RNF208: variants seen among roughly 807,000 people sequenced by gnomAD.
RNF208 encodes ring finger protein 208.
In RNF208, 7 loss-of-function variants were observed where a neutral mutation model predicts 15.2. The observed-to-expected ratio is 0.46, with a 90% CI of 0.26 to 0.86. RNF208 has a LOEUF of 0.86. RNF208 is among the 40% of genes least tolerant of loss of function. The pLI is 0.16. For missense variants in RNF208, 342 were observed against 364.1 expected (o/e 0.94, Z 0.49); for synonymous variants, 211 against 163.2 (o/e 1.29, Z -2.23).
Position 137,220,330 on chromosome 9 carries a change from G to T in RNF208, c.*97C>A. On this transcript the variant is annotated 3_prime_UTR_variant, in exon 2 of 2. Transcript: ENST00000391553. ...ACTCGGGGTGGGGCCGGAAGCCATG[G>T]TGGGGAAGGAAGGGTCAGCGGGCGG... 1 of 1,322,502 alleles carries T rather than the reference G, an allele frequency of 7.6e-7. No homozygotes were observed. Among genetic ancestry groups the T allele is most frequent in the Non-Finnish European group, 1.0e-6 (1 of 989,234 alleles). The allele number at this position is 1,322,502 out of a possible 1,614,324, so 81.9% of individuals were successfully genotyped here. A position where few individuals can be genotyped will look rare whatever the true frequency, so the allele number is the denominator to read the frequency against.
rs531868794 is a variant in RNF208 at position 137,220,802 on chromosome 9, T to C, written c.411A>G (p.Ala137=). Residue 137 remains alanine, a synonymous_variant, in exon 2 of 2, where the codon GCA becomes GCG. Transcript: ENST00000391553. The stretch of plus-strand genomic sequence containing the variant: ...AGGTGGGGCACTCCAGGGGCTCGCC[T>C]GCCGCCGCCGAAGAAGCCGCCGAGG... The part of the protein sequence containing the change: ...PSASAASSAA[A]GEPLECPTCG... The C allele has an allele frequency of 6.2e-6, 10 of 1,607,698 alleles. No homozygotes were observed. The African/African-American group carries it at 1.3e-4, about 22-fold the overall frequency.
At chr9:137,223,395 C>G (rs1160064443), upstream of RNF208, among the ~76,000 whole-genome samples, 3 of 152,178 alleles carry the variant, frequency 2.0e-5, no homozygotes, top group Non-Finnish European at 2.9e-5. Flanking sequence ...GGCGTGCGCC[C>G]GAGGAAGCAC....
chr9:137,223,226 G>A (rs887442608), upstream of RNF208, among the ~76,000 whole-genome samples: 1 of 152,258 alleles, frequency 6.6e-6, no homozygotes, highest in Admixed American at 6.5e-5. Flanking sequence ...CCTCGGGCGA[G>A]TGTCACTCAG....
chr9:137,220,905 G>A lies in RNF208; in HGVS notation c.308C>T (p.Ser103Leu), dbSNP rs374551537. 1.6e-5 allele frequency: 25 copies of A among 1,571,046 alleles called. No homozygotes were observed. Among genetic ancestry groups the A allele is most frequent in the Non-Finnish European group, 2.0e-5 (23 of 1,157,056 alleles). ...GGCCACGCGGGGAAAGCCCAGCTCC[G>A]AGCTTCCCTTACGGGGCCGCCGTGG... ...PLPRRPRKGSSELGFPRVAPE... is the reference protein window; with the variant it reads ...PLPRRPRKGSLELGFPRVAPE... The change falls in exon 2 of 2, where the codon TCG (serine) becomes TTG (leucine). Residue 103 changes from serine to leucine, a missense_variant. Ser to Leu is a moderately radical substitution (Grantham distance 145). Around this residue, in one of 3 missense-constraint regions of RNF208, gnomAD observed 207 missense variants for 193.7 expected, o/e 1.07. Coordinates refer to ENST00000391553, the MANE Select transcript of RNF208 (RefSeq NM_031297.7).
At position 137,221,240 on chromosome 9, in the gene RNF208, T is replaced by G; in HGVS notation, c.-28A>C. 3.9e-6 allele frequency: 3 copies of G among 759,876 alleles called. No individual in the cohort carries two copies. The highest frequency in any genetic ancestry group is 2.6e-5 in the South Asian group (1 of 38,064). The allele number at this position is 759,876 out of a possible 1,614,324, so 47.1% of individuals were successfully genotyped here. A position where few individuals can be genotyped will look rare whatever the true frequency, so the allele number is the denominator to read the frequency against. On this transcript the variant is annotated 5_prime_UTR_variant, in exon 2 of 2. Coordinates refer to ENST00000391553, the MANE Select transcript of RNF208 (RefSeq NM_031297.7). ...GGCTGTCTCCAGTCAGACTGGATGT[T>G]CGGGTGGGTGGGGGCGTTGTGTGGG...
Position 137,221,315 on chromosome 9 carries a change from G to GGCAGGTGACA in RNF208, c.-104_-103insTGTCACCTGC. ...CATCCTGGTCCCGCCAGGCCTGGGG[G>GGCAGGTGACA]GGGCCCCGGACGGCCCGTGGACTCC... On this transcript the variant is annotated 5_prime_UTR_variant, in exon 2 of 2. Transcript: ENST00000391553. 1 of 934,586 alleles carries GGCAGGTGACA rather than the reference G, an allele frequency of 1.1e-6. No individual in the cohort carries two copies. Among genetic ancestry groups the GGCAGGTGACA allele is most frequent in the Non-Finnish European group, 1.5e-6 (1 of 659,108 alleles). The allele number at this position is 934,586 out of a possible 1,614,324, so 57.9% of individuals were successfully genotyped here.
Position 137,221,595 on chromosome 9 carries a change from T to G in RNF208, c.-383A>C. On this transcript the variant is annotated 5_prime_UTR_variant, in exon 2 of 2. The change abolishes an upstream ATG in the 5' untranslated region. Coordinates refer to ENST00000391553, the MANE Select transcript of RNF208 (RefSeq NM_031297.7). The stretch of plus-strand genomic sequence containing the variant: ...GGTCAGCAGGCCGCGGGCCGGGACA[T>G]CGGGGCAGGCAGGGGCTGGGTGGGC... 1 of 173,550 alleles carries G rather than the reference T, an allele frequency of 5.8e-6. No homozygotes were observed. The highest frequency in any genetic ancestry group is 1.5e-4 in the East Asian group (1 of 6,514). The allele number at this position is 173,550 out of a possible 1,614,324, so 10.8% of individuals were successfully genotyped here.
chr9:137,222,358 C>T (rs1835884778), upstream of RNF208, among the ~76,000 whole-genome samples: 1 of 151,072 alleles, frequency 6.6e-6, no homozygotes. Context: ...GGCCGCCCCT[C>T]GGTCCGCTCC....
At position 137,220,575 on chromosome 9, in the gene RNF208, C is replaced by T. The variant is rs753984639; in HGVS notation, c.638G>A (p.Arg213His). ...GGCCGTCAGCGCCTCAGGCGGCAGG[C>T]GGCTCAGGATGGACGTGTTGACAGC... is the stretch of plus-strand genomic sequence containing the variant. ...ALAVNTSILS[R>H]LPPEALTAPS... The change falls in exon 2 of 2, where the codon CGC becomes CAC. Residue 213 changes from arginine to histidine, a missense_variant. Arg to His is a conservative substitution (Grantham distance 29). Around this residue, in one of 3 missense-constraint regions of RNF208, gnomAD observed 76 missense variants for 118.0 expected, o/e 0.64. Transcript: ENST00000391553. 6.2e-6 allele frequency: 10 copies of T among 1,611,080 alleles called. No individual in the cohort carries two copies. The highest frequency in any genetic ancestry group is 1.7e-5 in the Admixed American group (1 of 59,806).
rs2131388191 is a variant in RNF208 at position 137,222,038 on chromosome 9, T to A, written c.-576A>T. Among the ~76,000 whole-genome samples, 1 of 150,554 alleles carries A rather than the reference T, an allele frequency of 6.6e-6. No homozygotes were observed. Among genetic ancestry groups the A allele is most frequent in the East Asian group, 2.0e-4 (1 of 5,090 alleles). The stretch of plus-strand genomic sequence containing the variant: ...GCGCGCCGCCGCCGCAGAGGTTGTC[T>A]CAAAGGCAGGCCCGGACGCGGCGCC... On this transcript the variant is annotated 5_prime_UTR_variant, in exon 1 of 2. Transcript: ENST00000391553.
At position 137,220,458 on chromosome 9, in the gene RNF208, CGCACGTGGCAGGT is replaced by C; in HGVS notation, c.742_754del (p.Thr248GlyfsTer21). On this transcript the variant is annotated frameshift_variant, in exon 2 of 2. Coordinates refer to ENST00000391553, the MANE Select transcript of RNF208 (RefSeq NM_031297.7). LOFTEE classifies it high-confidence loss of function. ...GATGGAGCAGGCGGACAGTGGGTTC[CGCACGTGGCAGGT>C]GCACGCGGCCCCACAGTACTGCCGG... 1 of 1,596,280 alleles carries C rather than the reference CGCACGTGGCAGGT, an allele frequency of 6.3e-7. No individual in the cohort carries two copies. Among genetic ancestry groups the C allele is most frequent in the Non-Finnish European group, 8.5e-7 (1 of 1,171,046 alleles).
At chr9:137,222,306 C>A (rs1835883547), upstream of RNF208, among the ~76,000 whole-genome samples, 2 of 148,410 alleles carry the variant, frequency 1.3e-5, no homozygotes, top group South Asian at 4.1e-4. Context: ...CACCCCCCGT[C>A]TGGGGACCCG....
chr9:137,221,052 G>A lies in RNF208; in HGVS notation c.161C>T (p.Pro54Leu), dbSNP rs751714852. 1 of 1,599,590 alleles carries A rather than the reference G, an allele frequency of 6.3e-7. No individual in the cohort carries two copies. The highest frequency in any genetic ancestry group is 1.1e-5 in the South Asian group (1 of 88,984). ...GGGTGCCAGAGTTGGGGTGGGCCGG[G>A]GAGCAGGCGGGAAGCAGGGGGCAGC... The part of the protein sequence containing the change: ...LPAAPCFPPA[P>L]RPTPTLAPKR... The change falls in exon 2 of 2, where the codon CCC (proline) becomes CTC (leucine). Residue 54 changes from proline to leucine, a missense_variant. Transcript: ENST00000391553.
chr9:137,220,406 G>A lies in RNF208; in HGVS notation c.*21C>T, dbSNP rs776631047. ...AGCAGCGAGCGAGGCTCAGCGGGCA[G>A]TGGCGGGCAGGCAGGCGCTACTACA... is the stretch of plus-strand genomic sequence containing the variant. On this transcript the variant is annotated 3_prime_UTR_variant, in exon 2 of 2. Coordinates refer to ENST00000391553, the MANE Select transcript of RNF208 (RefSeq NM_031297.7). 9.1e-6 allele frequency: 14 copies of A among 1,536,896 alleles called. No homozygotes were observed. Among genetic ancestry groups the A allele is most frequent in the Non-Finnish European group, 1.1e-5 (13 of 1,140,470 alleles).
rs1403403061 is a variant in RNF208 at position 137,220,895 on chromosome 9, G to C, written c.318C>G (p.Gly106=). 6 of 1,575,726 alleles carry C rather than the reference G, an allele frequency of 3.8e-6. No individual in the cohort carries two copies. The African/African-American group carries it at 8.1e-5, about 21-fold the overall frequency. ...CATCCTCTGGGGCCACGCGGGGAAA[G>C]CCCAGCTCCGAGCTTCCCTTACGGG... The part of the protein sequence containing the change: ...RRPRKGSSEL[G]FPRVAPEDEV... The change falls in exon 2 of 2, where the codon GGC becomes GGG. Residue 106 remains glycine, a synonymous_variant. Transcript: ENST00000391553.
chr9:137,220,430 C>A lies in RNF208; in HGVS notation c.783G>T (p.Met261Ile). Residue 261 changes from methionine (M) to isoleucine (I), a missense_variant, in exon 2 of 2, where the codon ATG becomes ATT. Physicochemically the swap from Met to Ile is conservative, Grantham distance 10 (BLOSUM62 1). Coordinates refer to ENST00000391553, the MANE Select transcript of RNF208 (RefSeq NM_031297.7). The stretch of plus-strand genomic sequence containing the variant: ...AGTGGCGGGCAGGCAGGCGCTACTA[C>A]ATGATGGAGCAGGCGGACAGTGGGT... ...VRNPLSACSI[M>I] 1 of 1,578,626 alleles carries A rather than the reference C, an allele frequency of 6.3e-7. No homozygotes were observed. Among genetic ancestry groups the A allele is most frequent in the South Asian group, 1.1e-5 (1 of 87,326 alleles).
chr9:137,221,195 C>T lies in RNF208; in HGVS notation c.18G>A (p.Gly6=). The part of the protein sequence containing the change: MPSDP[G]PEAGSGWPGL... ...CCGGCCAGCCACTGCCCGCCTCGGG[C>T]CCGGGGTCAGAGGGCATCCGGCTGT... Residue 6 remains glycine (G), a synonymous_variant, in exon 2 of 2, where the codon GGG becomes GGA. Coordinates refer to ENST00000391553, the MANE Select transcript of RNF208 (RefSeq NM_031297.7). 6.6e-7 allele frequency: 1 copy of T among 1,514,760 alleles called. No individual in the cohort carries two copies. The highest frequency in any genetic ancestry group is 8.9e-7 in the Non-Finnish European group (1 of 1,129,602). The allele number at this position is 1,514,760 out of a possible 1,614,324, so 93.8% of individuals were successfully genotyped here.
chr9:137,221,546 G>C lies in RNF208; in HGVS notation c.-334C>G, dbSNP rs1457937856. 2 of 200,576 alleles carry C rather than the reference G, an allele frequency of 1.0e-5. No homozygotes were observed. The highest frequency in any genetic ancestry group is 4.7e-5 in the African/African-American group (2 of 42,962). The allele number at this position is 200,576 out of a possible 1,614,324, so 12.4% of individuals were successfully genotyped here. ...GCTGCTGAGGCTGGCGAGGGGGCGC[G>C]GGGGGGGCTCCCCCTGCAGCCGAGG... is the stretch of plus-strand genomic sequence containing the variant. On this transcript the variant is annotated 5_prime_UTR_variant, in exon 2 of 2. Coordinates refer to ENST00000391553, the MANE Select transcript of RNF208 (RefSeq NM_031297.7).
Position 137,221,154 on chromosome 9 carries a change from C to A in RNF208, c.59G>T (p.Cys20Phe). The part of the protein sequence containing the change: ...GSGWPGLLMS[C>F]LKGPHVILKM... ...GAGGATGACATGGGGACCCTTCAGGCAGGACATGAGGAGGCCCGGCCAGCC... is the reference window on the plus strand; with the variant it reads ...GAGGATGACATGGGGACCCTTCAGGAAGGACATGAGGAGGCCCGGCCAGCC... Residue 20 changes from cysteine to phenylalanine, a missense_variant, in exon 2 of 2, where the codon TGC becomes TTC. Physicochemically the swap from Cys to Phe is radical, Grantham distance 205. Coordinates refer to ENST00000391553, the MANE Select transcript of RNF208 (RefSeq NM_031297.7). 6.4e-7 allele frequency: 1 copy of A among 1,573,754 alleles called. No individual in the cohort carries two copies. The highest frequency in any genetic ancestry group is 8.6e-7 in the Non-Finnish European group (1 of 1,157,592).
Sources: gnomAD v4.1 joint callset for allele counts (sites outside exome capture counted in the v4.1 genomes callset) on GRCh38, gnomAD v4.1.1 for gene constraint, gnomAD v4.1.1 regional missense constraint, MANE v1.5 for transcripts, NCBI Gene and HGNC (gene_info 2026-07-23, HGNC 2026-07-21) for gene names.